Variants in CUEDC1 observed in about 807,000 individuals in gnomAD.
CUEDC1 encodes CUE domain containing 1, also known as CUE domain-containing protein 1.
A neutral mutation model predicts 43.7 loss-of-function variants in CUEDC1; 30 were observed. That is an observed-to-expected ratio of 0.69 (90% CI 0.51 to 0.93). CUEDC1 has a LOEUF of 0.93. Among genes scored for constraint, CUEDC1 ranks in the 40% least tolerant of loss-of-function variants. CUEDC1 has a pLI of 0.00. For missense variants in CUEDC1, 486 were observed against 549.0 expected, an observed-to-expected ratio of 0.89 and a Z score of 1.15; for synonymous variants, 223 against 223.6, an observed-to-expected ratio of 1.00 and a Z score of 0.02.
intron 1 of CUEDC1, among the ~76,000 whole-genome samples, chr17:57,889,336 G>A (rs1251734995): frequency 6.6e-6 from 1 of 152,078 alleles, no homozygotes; most frequent in African/African-American, 2.4e-5. Context: ...GATTCTAGGG[G>A]GGTCTTCCCC....
intron 1 of CUEDC1, among the ~76,000 whole-genome samples, chr17:57,912,836 TTTTC>T (rs2074598516): frequency 6.6e-6 from 1 of 151,858 alleles, no homozygotes; most frequent in South Asian, 2.1e-4. Context: ...CGGGGAGCCT[TTTTC>T]TTTCTTTCTT....
chr17:57,917,680 G>A (rs759903116), intron 1 of CUEDC1, among the ~76,000 whole-genome samples: 10 of 152,234 alleles, frequency 6.6e-5, no homozygotes, highest in Non-Finnish European at 1.0e-4. Context: ...CACACAGCGA[G>A]TAAGTGGCAA....
At chr17:57,873,464 G>T (rs2074064574) in intron 4 of CUEDC1, 127 bp downstream of exon 4, 2 of 1,155,756 alleles carry the variant, frequency 1.7e-6, no homozygotes, top group Non-Finnish European at 2.4e-6. Context: ...TACGAACCCA[G>T]GGCAACAGAA....
intron 1 of CUEDC1, among the ~76,000 whole-genome samples, chr17:57,938,747 C>T (rs894026904): frequency 2.0e-5 from 3 of 152,088 alleles, no homozygotes; most frequent in Non-Finnish European, 2.9e-5. Flanking sequence ...AGCGCAACCT[C>T]TGCCTCCCGG....
intron 1 of CUEDC1, among the ~76,000 whole-genome samples, chr17:57,911,201 G>C (rs1229132644): frequency 6.6e-6 from 1 of 152,262 alleles, no homozygotes; most frequent in East Asian, 1.9e-4. Context: ...CCAAGAATCT[G>C]CTATCTAACA....
At chr17:57,925,069 G>A (rs556211140) in intron 1 of CUEDC1, among the ~76,000 whole-genome samples, 12 of 149,740 alleles carry the variant, frequency 8.0e-5, no homozygotes, top group African/African-American at 1.7e-4. Flanking sequence ...TAGATTCAAA[G>A]GTATGTAAAT....
intron 6 of CUEDC1, among the ~76,000 whole-genome samples, chr17:57,870,397 A>C (rs1275377182): frequency 6.6e-6 from 1 of 152,244 alleles, no homozygotes; most frequent in East Asian, 1.9e-4. Flanking sequence ...CACCTTGTAC[A>C]CAAAGCTAGA....
chr17:57,941,294 G>C (rs1299619388), intron 1 of CUEDC1, among the ~76,000 whole-genome samples: 1 of 152,212 alleles, frequency 6.6e-6, no homozygotes, highest in African/African-American at 2.4e-5. Flanking sequence ...GCAGAGGACT[G>C]AGCAGAGAAG....
In CUEDC1 at chr17:57,862,268, C is replaced by T. The variant is rs2073891073; in HGVS notation, c.*1021G>A. On this transcript the variant is annotated 3_prime_UTR_variant, in exon 11 of 11. Transcript: ENST00000577830. ...GAGTTCTCCTCCTCAGATCACCCGCCCTTCTCAGGGGCACCCAGCAAGCCC... is the reference window on the plus strand; with the variant it reads ...GAGTTCTCCTCCTCAGATCACCCGCTCTTCTCAGGGGCACCCAGCAAGCCC... 6.5e-6 allele frequency: 1 copy of T among 152,796 alleles called. No homozygotes were observed. Among genetic ancestry groups the T allele is most frequent in the African/African-American group, 2.4e-5 (1 of 41,470 alleles). 9.5% of individuals were successfully genotyped at this position (152,796 alleles called of 1,614,324 possible). A position where few individuals can be genotyped will look rare whatever the true frequency, so the allele number is the denominator to read the frequency against.
Position 57,879,625 on chromosome 17 carries a change from C to T in CUEDC1, c.450G>A (p.Pro150=), listed in dbSNP as rs1310727914. The T allele has an allele frequency of 5.7e-6, 9 of 1,592,682 alleles. No homozygotes were observed. Among genetic ancestry groups the T allele is most frequent in the Admixed American group, 3.7e-5 (2 of 54,470 alleles). ...CAGATTCTCACCGGGGAGGCGGAGT[C>T]GGGGGAGCCAGAGGGTAGGGCCGGT... The part of the protein sequence containing the change: ...VFDRPYPLAP[P]TPPPRIDALG... Residue 150 remains proline, a synonymous_variant, in exon 3 of 11, where the codon CCG becomes CCA. Transcript: ENST00000577830.
At chr17:57,899,929 C>T (rs1301548603) in intron 1 of CUEDC1, among the ~76,000 whole-genome samples, 4 of 151,486 alleles carry the variant, frequency 2.6e-5, no homozygotes, top group African/African-American at 9.8e-5. Context: ...CCAGATGAGG[C>T]CCTGGGATCC....
intron 1 of CUEDC1, among the ~76,000 whole-genome samples, chr17:57,940,920 C>T (rs1378883782): frequency 1.3e-5 from 2 of 152,198 alleles, no homozygotes; most frequent in African/African-American, 2.4e-5. Context: ...CTAACCTGAG[C>T]CCCAGAGAAG....
Position 57,944,815 on chromosome 17 carries a change from T to C in CUEDC1, c.-316+10410A>G, listed in dbSNP as rs77379753. 1.2e-3 allele frequency among the ~76,000 whole-genome samples: 181 copies of C among 152,298 alleles called. 4 individuals are homozygous for C. The East Asian group carries it at 0.019, about 16-fold the overall frequency. On this transcript the variant is annotated intron_variant, in intron 1 of 10. Transcript: ENST00000577830. ...CCCACGGATCAGCATCAAGAACAGA[T>C]TTCAATCTCTACAGAGCGACAGTAT...
chr17:57,895,548 A>G (rs909914328), intron 1 of CUEDC1, among the ~76,000 whole-genome samples: 4 of 152,190 alleles, frequency 2.6e-5, no homozygotes, highest in Non-Finnish European at 4.4e-5. Context: ...TGAGCAACCA[A>G]CTGTTTTCCA....
At chr17:57,946,784 C>T (rs2074963541) in intron 1 of CUEDC1, among the ~76,000 whole-genome samples, 1 of 152,154 alleles carries the variant, frequency 6.6e-6, no homozygotes, top group Non-Finnish European at 1.5e-5. Flanking sequence ...GTCCTTTGCA[C>T]ATCTGATATC....
intron 1 of CUEDC1, among the ~76,000 whole-genome samples, chr17:57,904,590 G>A (rs544581861): frequency 2.2e-4 from 33 of 152,196 alleles, no homozygotes; most frequent in South Asian, 6.2e-4. Context: ...CCTGCTCCCC[G>A]TCCCATTTCA....
rs1025155012 is a variant in CUEDC1 at position 57,870,656 on chromosome 17, G to C, written c.868+630C>G. ...TTATGAGTCTCTGAGCCCCACCACG[G>C]GGCATTTTGGGGTCCTTTTCTTCTT... is the stretch of plus-strand genomic sequence containing the variant. On this transcript the variant is annotated intron_variant, in intron 6 of 10. Transcript: ENST00000577830. Among the ~76,000 whole-genome samples the C allele has an allele frequency of 2.0e-5, 3 of 150,940 alleles. No individual in the cohort carries two copies. The East Asian group carries it at 5.8e-4, about 29-fold the overall frequency.
intron 1 of CUEDC1, among the ~76,000 whole-genome samples, chr17:57,946,791 T>C (rs542988670): frequency 6.6e-6 from 1 of 152,246 alleles, no homozygotes; most frequent in South Asian, 2.1e-4. Context: ...GCACATCTGA[T>C]ATCTTCATAC....
chr17:57,952,437 G>A (rs954174075), intron 1 of CUEDC1, among the ~76,000 whole-genome samples: 2 of 152,096 alleles, frequency 1.3e-5, no homozygotes, highest in Non-Finnish European at 2.9e-5. Flanking sequence ...ATGTTGGCCA[G>A]ACTAGTCTTA....
Sources: allele counts gnomAD v4.1 joint callset (sites outside exome capture counted in the v4.1 genomes callset), GRCh38; gene constraint gnomAD v4.1.1; transcripts MANE v1.5; gene names NCBI Gene and HGNC (gene_info 2026-07-23, HGNC 2026-07-21).